The following HDAC4 variants were observed in gnomAD, a reference collection of about 807,000 sequenced individuals.
HDAC4 encodes the protein histone deacetylase 4, also known as histone deacetylase A.
Under a neutral mutation model 135.1 loss-of-function variants are expected in HDAC4, and 16 were observed. The ratio of observed to expected loss-of-function variants is 0.12; its 90% CI spans 0.08 to 0.18. The LOEUF (loss-of-function observed/expected upper bound fraction) is 0.18, where lower values mean the gene tolerates loss of function less well. Among genes scored for constraint, HDAC4 ranks in the 10% least tolerant of loss-of-function variants. HDAC4 has a pLI of 1.00. For missense variants in HDAC4, 1,143 were observed against 1,511.8 expected (o/e 0.76, Z 4.05); for synonymous variants, 685 against 653.4 (o/e 1.05, Z -0.74).
At position 239,088,839 on chromosome 2, in the gene HDAC4, T is replaced by C. The variant is rs58596189; in HGVS notation, c.2388+1170A>G. ...AGCCTGCTGGCTCTCTCACTACTTA[T>C]AAGACTTCTGGTGAGATGGGGGTGA... On this transcript the variant is annotated intron_variant, in intron 18 of 26. Transcript: ENST00000543185. 5.9e-3 allele frequency among the ~76,000 whole-genome samples: 901 copies of C among 152,304 alleles called. 14 individuals carry two copies. Among genetic ancestry groups the C allele is most frequent in the African/African-American group, 0.021 (860 of 41,560 alleles).
intron 2 of HDAC4, among the ~76,000 whole-genome samples, chr2:239,268,914 G>C (rs1304846217): frequency 6.6e-6 from 1 of 152,206 alleles, no homozygotes; most frequent in East Asian, 1.9e-4. Context: ...TGGCGACATA[G>C]AAGAATGGAA....
intron 2 of HDAC4, among the ~76,000 whole-genome samples, chr2:239,261,023 T>C (rs1397328726): frequency 2.0e-5 from 3 of 152,110 alleles, no homozygotes; most frequent in Admixed American, 1.3e-4. Context: ...CACAGGTACA[T>C]GCACCTAAAC....
At chr2:239,265,035 G>A (rs963795542) in intron 2 of HDAC4, among the ~76,000 whole-genome samples, 1 of 152,190 alleles carries the variant, frequency 6.6e-6, no homozygotes, top group African/African-American at 2.4e-5. Context: ...GTGGACAGGG[G>A]TGCAGAGCCT....
intron 25 of HDAC4, among the ~76,000 whole-genome samples, 156 bp from the exon 26 acceptor site, chr2:239,053,757 T>C (rs1276708058): frequency 6.6e-6 from 1 of 152,196 alleles, no homozygotes; most frequent in Non-Finnish European, 1.5e-5. Context: ...AGCAGAAGAC[T>C]GCATGGCTAC....
chr2:239,123,805 T>C (rs1348816471), intron 12 of HDAC4, among the ~76,000 whole-genome samples: 3 of 151,784 alleles, frequency 2.0e-5, no homozygotes, highest in Non-Finnish European at 4.4e-5. Context: ...GGTGTAGGGG[T>C]CTCTCCCCAC....
chr2:239,375,928 G>T (rs536190837), intron 1 of HDAC4, among the ~76,000 whole-genome samples: 1 of 152,370 alleles, frequency 6.6e-6, no homozygotes, highest in South Asian at 2.1e-4. Flanking sequence ...ACCCGACTGC[G>T]AGTGTCACCT....
intron 9 of HDAC4, among the ~76,000 whole-genome samples, chr2:239,135,312 A>G (rs2040874153): frequency 2.6e-5 from 4 of 152,196 alleles, no homozygotes; most frequent in Admixed American, 2.0e-4. Flanking sequence ...CAATGATGAC[A>G]ATACTGGCCA....
chr2:239,373,802 G>A (rs1694802206), intron 1 of HDAC4, among the ~76,000 whole-genome samples: 1 of 152,164 alleles, frequency 6.6e-6, no homozygotes, highest in Non-Finnish European at 1.5e-5. Context: ...CTCAAAAGTT[G>A]TCATTTTTAT....
At chr2:239,330,263 C>T (rs1013079184) in intron 2 of HDAC4, among the ~76,000 whole-genome samples, 3 of 152,242 alleles carry the variant, frequency 2.0e-5, no homozygotes, top group Admixed American at 2.0e-4. Flanking sequence ...ATAGGAGCAT[C>T]GGGAAGGGGA....
intron 1 of HDAC4, among the ~76,000 whole-genome samples, chr2:239,371,772 C>G (rs1444035999): frequency 6.6e-6 from 1 of 152,208 alleles, no homozygotes; most frequent in Non-Finnish European, 1.5e-5. Context: ...GGGCCTTTAC[C>G]TGTGGTCCCT....
chr2:239,174,316 C>T (rs1465338399), intron 5 of HDAC4, among the ~76,000 whole-genome samples: 1 of 151,838 alleles, frequency 6.6e-6, no homozygotes, highest in Non-Finnish European at 1.5e-5. Context: ...AGAACAACTC[C>T]AAATCAAGAA....
intron 3 of HDAC4, among the ~76,000 whole-genome samples, chr2:239,208,193 C>G (rs527241864): frequency 3.0e-4 from 46 of 151,296 alleles, no homozygotes; most frequent in African/African-American, 1.1e-3. Flanking sequence ...CGGGTGCGGT[C>G]GTGGGTGCCT....
At chr2:239,173,551 A>G (rs2043582484) in intron 5 of HDAC4, among the ~76,000 whole-genome samples, 1 of 152,204 alleles carries the variant, frequency 6.6e-6, no homozygotes, top group Non-Finnish European at 1.5e-5. Flanking sequence ...CAAATGAGTA[A>G]AAAATACAAA....
At chr2:239,152,583 C>T (rs774866506) in intron 7 of HDAC4, among the ~76,000 whole-genome samples, 10 of 152,340 alleles carry the variant, frequency 6.6e-5, no homozygotes, top group Non-Finnish European at 1.5e-4. Flanking sequence ...GGAGGCTCCT[C>T]CTGGGAGATG....
At chr2:239,092,847 TTC>T (rs2036644098) in intron 17 of HDAC4, among the ~76,000 whole-genome samples, 2 of 152,062 alleles carry the variant, frequency 1.3e-5, no homozygotes, top group African/African-American at 2.4e-5. Flanking sequence ...TGTGTTTCGT[TTC>T]TTTTTTTTTT....
chr2:239,290,739 C>A (rs184006840), intron 2 of HDAC4, among the ~76,000 whole-genome samples: 4 of 152,082 alleles, frequency 2.6e-5, no homozygotes, highest in Non-Finnish European at 4.4e-5. Context: ...TACGCACACA[C>A]GCGCACGCAC....
At chr2:239,396,917 C>T (rs1387985769) in intron 1 of HDAC4, among the ~76,000 whole-genome samples, 2 of 152,168 alleles carry the variant, frequency 1.3e-5, no homozygotes, top group Non-Finnish European at 2.9e-5. Flanking sequence ...CCTTCCGTCA[C>T]CCCCACCTGC....
Position 239,052,985 on chromosome 2 carries a change from G to T in HDAC4, c.*112C>A. 7.8e-7 allele frequency: 1 copy of T among 1,283,888 alleles called. No individual in the cohort carries two copies. The highest frequency in any genetic ancestry group is 1.1e-6 in the Non-Finnish European group (1 of 880,098). The allele number at this position is 1,283,888 out of a possible 1,614,324, so 79.5% of individuals were successfully genotyped here. ...TGGCTGTTGCACGCTGGGTGTCCCT[G>T]GGTGCTCCAAGAGAGCCCCACGGTG... is the stretch of plus-strand genomic sequence containing the variant. On this transcript the variant is annotated 3_prime_UTR_variant, in exon 27 of 27. Coordinates refer to ENST00000543185, the MANE Select transcript of HDAC4 (RefSeq NM_001378414.1).
intron 2 of HDAC4, among the ~76,000 whole-genome samples, chr2:239,290,778 T>C (rs947744661): frequency 1.3e-5 from 2 of 152,124 alleles, no homozygotes; most frequent in African/African-American, 4.8e-5. Context: ...CGCTCCCGTG[T>C]TTAGTGTGTT....
Sources: allele counts gnomAD v4.1 joint callset (sites outside exome capture counted in the v4.1 genomes callset), GRCh38; gene constraint gnomAD v4.1.1; transcripts MANE v1.5; gene names NCBI Gene and HGNC (gene_info 2026-07-23, HGNC 2026-07-21).